BTNL9: variants seen among roughly 807,000 people sequenced by gnomAD.
BTNL9 encodes butyrophilin like 9.
A neutral mutation model predicts 45.8 loss-of-function variants in BTNL9; 45 were observed. The observed-to-expected ratio is 0.98, with a 90% confidence interval of 0.77 to 1.26. The LOEUF is 1.26. Ranked by LOEUF, BTNL9 falls within the 50% of genes most tolerant of loss-of-function variation. The probability of loss-of-function intolerance (pLI) is 0.00; values close to 1 mark genes in which losing one functional copy is unlikely to be tolerated. For synonymous variants in BTNL9, 346 were observed against 330.8 expected, an observed-to-expected ratio of 1.05 and a Z score of -0.50; for missense variants, 784 against 729.7, an observed-to-expected ratio of 1.07 and a Z score of -0.86.
rs1035792661 is a variant in BTNL9, at chr5:181,042,994, G to A, written c.-23-2473G>A. Among the ~76,000 whole-genome samples, 1 of 152,214 alleles carries A rather than the reference G, an allele frequency of 6.6e-6. No individual in the cohort carries two copies. The highest frequency in any genetic ancestry group is 1.9e-4 in the East Asian group (1 of 5,166). On this transcript the variant is annotated intron_variant, in intron 1 of 10. Coordinates refer to ENST00000327705, the MANE Select transcript of BTNL9 (RefSeq NM_152547.5). The surrounding 1 kb of genome is among the most constrained non-coding windows in gnomAD (Gnocchi z 4.5). Reference sequence around the variant, plus strand: ...GCGAGGCTCTGGAACCAGACAGTGGGTGGAACCCCACCCCACCACTCACCC... The same window carrying A: ...GCGAGGCTCTGGAACCAGACAGTGGATGGAACCCCACCCCACCACTCACCC...
Position 181,053,931 on chromosome 5 carries a change from G to A in BTNL9, c.887-308G>A. On this transcript the variant is annotated intron_variant, in intron 6 of 10. Coordinates refer to ENST00000327705, the MANE Select transcript of BTNL9 (RefSeq NM_152547.5). This position sits in a 1 kb window ranked among gnomAD's most constrained non-coding sequence, Gnocchi z 6.5. ...CGAGAAAACAGCCCAGTTACGTGAGGCAGTGTCCGGGGCTTAACGTTTCCG... is the reference window on the plus strand; with the variant it reads ...CGAGAAAACAGCCCAGTTACGTGAGACAGTGTCCGGGGCTTAACGTTTCCG... 6.6e-7 allele frequency: 1 copy of A among 1,515,988 alleles called. No individual in the cohort carries two copies. Among genetic ancestry groups the A allele is most frequent in the Non-Finnish European group, 8.8e-7 (1 of 1,134,324 alleles). The allele number at this position is 1,515,988 out of a possible 1,614,324, so 93.9% of individuals were successfully genotyped here. A position where few individuals can be genotyped will look rare whatever the true frequency, so the allele number is the denominator to read the frequency against.
At chr5:181,054,055 C>T (rs1392597803) in intron 6 of BTNL9, 184 bp from the exon 7 acceptor site, 2 of 1,544,442 alleles carry the variant, frequency 1.3e-6, no homozygotes, top group East Asian at 2.4e-5. Flanking sequence ...GCCAAGGGTG[C>T]GCACTTCCCC....
At position 181,050,454 on chromosome 5, in the gene BTNL9, TG is replaced by T; in HGVS notation, c.736+87del. The T allele has an allele frequency of 6.8e-7, 1 of 1,465,478 alleles. No individual in the cohort carries two copies. The allele number at this position is 1,465,478 out of a possible 1,614,324, so 90.8% of individuals were successfully genotyped here. A position where few individuals can be genotyped will look rare whatever the true frequency, so the allele number is the denominator to read the frequency against. On this transcript the variant is annotated intron_variant, in intron 4 of 10. Transcript: ENST00000327705. This position sits in a 1 kb window ranked among gnomAD's most constrained non-coding sequence, Gnocchi z 4.9. Reference sequence around the variant, plus strand: ...CCAAAGGCAGTCTATAAAGACACAATGGTACTGCGCCTGTCTGCATATAGGG... The same window carrying T: ...CCAAAGGCAGTCTATAAAGACACAATGTACTGCGCCTGTCTGCATATAGGG...
intron 10 of BTNL9, 87 bp downstream of exon 10, chr5:181,058,465 G>C (rs1761992608): frequency 1.3e-6 from 2 of 1,592,432 alleles, no homozygotes; most frequent in African/African-American, 1.3e-5. Flanking sequence ...ATTAGAGGAC[G>C]GGGCTTTATA....
Position 181,053,925 on chromosome 5 carries a change from C to T in BTNL9, c.887-314C>T, listed in dbSNP as rs1212049876. ...AGGCACCGAGAAAACAGCCCAGTTA[C>T]GTGAGGCAGTGTCCGGGGCTTAACG... is the stretch of plus-strand genomic sequence containing the variant. On this transcript the variant is annotated intron_variant, in intron 6 of 10. Coordinates refer to ENST00000327705, the MANE Select transcript of BTNL9 (RefSeq NM_152547.5). The surrounding 1 kb of genome is among the most constrained non-coding windows in gnomAD (Gnocchi z 6.5). 1.3e-6 allele frequency: 2 copies of T among 1,512,870 alleles called. No homozygotes were observed. Among genetic ancestry groups the T allele is most frequent in the Non-Finnish European group, 1.8e-6 (2 of 1,132,428 alleles). The allele number at this position is 1,512,870 out of a possible 1,614,324, so 93.7% of individuals were successfully genotyped here.
intron 1 of BTNL9, among the ~76,000 whole-genome samples, chr5:181,043,775 C>T (rs1454899428): frequency 6.6e-6 from 1 of 152,234 alleles, no homozygotes; most frequent in Admixed American, 6.5e-5. Context: ...AGAAGGTGCA[C>T]AACCAGTGTA....
At chr5:181,054,588 G>A in intron 7 of BTNL9, 1 of 985,416 alleles carries the variant, frequency 1.0e-6, no homozygotes, top group South Asian at 4.7e-5. Context: ...AGGAAGGGTG[G>A]CACCTTTAAT....
In BTNL9 at chr5:181,042,613, C is replaced by T. The variant is rs1760834106; in HGVS notation, c.-24+2181C>T. ...CCAGACCATCTCTCTCTGCTAAAGG[C>T]TTTCAAGATGATACCCTTGAGTGTT... On this transcript the variant is annotated intron_variant, in intron 1 of 10. Transcript: ENST00000327705. The surrounding 1 kb of genome is among the most constrained non-coding windows in gnomAD (Gnocchi z 4.5). Among the ~76,000 whole-genome samples the T allele has an allele frequency of 2.0e-5, 3 of 152,180 alleles. No individual in the cohort carries two copies. Among genetic ancestry groups the T allele is most frequent in the Non-Finnish European group, 4.4e-5 (3 of 68,036 alleles).
chr5:181,044,678 GCA>G (rs1223853048), intron 1 of BTNL9, among the ~76,000 whole-genome samples: 3 of 152,224 alleles, frequency 2.0e-5, no homozygotes, highest in Non-Finnish European at 4.4e-5. Flanking sequence ...ATTGGCAGCA[GCA>G]CACTCTCTGG....
At chr5:181,051,441 T>C (rs1761534599) in intron 4 of BTNL9, among the ~76,000 whole-genome samples, 1 of 152,194 alleles carries the variant, frequency 6.6e-6, no homozygotes, top group South Asian at 2.1e-4. Flanking sequence ...AAATGATAAC[T>C]TGTCTGCAAG....
chr5:181,056,777 A>G, intron 9 of BTNL9: 1 of 592,424 alleles, frequency 1.7e-6, no homozygotes, highest in Non-Finnish European at 3.0e-6. Context: ...GTGAGATTCC[A>G]TGTGCCCACA....
chr5:181,053,029 C>T lies in BTNL9; in HGVS notation c.737-171C>T, dbSNP rs1251431387. On this transcript the variant is annotated intron_variant, in intron 4 of 10. Transcript: ENST00000327705. The surrounding 1 kb of genome is among the most constrained non-coding windows in gnomAD (Gnocchi z 6.5). The stretch of plus-strand genomic sequence containing the variant: ...CCCGCCCCCTCCGCCGCGCGCGCCC[C>T]CGCCCCCTCCGCCGCGCGCGCTCCC... 4.1e-6 allele frequency: 1 copy of T among 245,158 alleles called. No homozygotes were observed. Among genetic ancestry groups the T allele is most frequent in the African/African-American group, 2.7e-5 (1 of 37,508 alleles). The allele number at this position is 245,158 out of a possible 1,614,324, so 15.2% of individuals were successfully genotyped here. A position where few individuals can be genotyped will look rare whatever the true frequency, so the allele number is the denominator to read the frequency against.
Position 181,060,042 on chromosome 5 carries a change from A to G in BTNL9, c.*180A>G. On this transcript the variant is annotated 3_prime_UTR_variant, in exon 11 of 11. Transcript: ENST00000327705. Reference sequence around the variant, plus strand: ...GTGTAGTGCGATTTTCTTCAAGGAAAGGAGACAAGTCCAAAGCTCGTTTGT... The same window carrying G: ...GTGTAGTGCGATTTTCTTCAAGGAAGGGAGACAAGTCCAAAGCTCGTTTGT... The G allele has an allele frequency of 3.2e-6, 2 of 620,630 alleles. No homozygotes were observed. The highest frequency in any genetic ancestry group is 4.5e-5 in the South Asian group (2 of 44,642). 38.4% of individuals were successfully genotyped at this position (620,630 alleles called of 1,614,324 possible). A position where few individuals can be genotyped will look rare whatever the true frequency, so the allele number is the denominator to read the frequency against.
In BTNL9 at chr5:181,059,481, G is replaced by C; in HGVS notation, c.1227G>C (p.Gly409=). The change falls in exon 11 of 11, where the codon GGG becomes GGC. Residue 409 remains glycine (G), a synonymous_variant. Coordinates refer to ENST00000327705, the MANE Select transcript of BTNL9 (RefSeq NM_152547.5). The part of the protein sequence containing the change: ...GACLAAVPRA[G]PARLSPAAGY... ...GCCTGGCCGCGGTGCCGCGCGCGGG[G>C]CCTGCGCGCCTGAGCCCTGCGGCCG... 6.8e-7 allele frequency: 1 copy of C among 1,477,506 alleles called. No homozygotes were observed. Among genetic ancestry groups the C allele is most frequent in the South Asian group, 1.3e-5 (1 of 75,236 alleles). The allele number at this position is 1,477,506 out of a possible 1,614,324, so 91.5% of individuals were successfully genotyped here. A position where few individuals can be genotyped will look rare whatever the true frequency, so the allele number is the denominator to read the frequency against.
chr5:181,046,698 CGAGAGAGAGAGGGAGA>C (rs1224479344), intron 2 of BTNL9, among the ~76,000 whole-genome samples: 1 of 143,876 alleles, frequency 7.0e-6, no homozygotes, highest in African/African-American at 2.8e-5. Context: ...AGAGAGAGAG[CGAGAGAGAGAGGGAGA>C]GAGAGAGAGA....
rs905550977 is a variant in BTNL9 at position 181,053,847 on chromosome 5, A to C, written c.886+346A>C. ...CCTCGTCCAGGTTTTCATAGCGCAC[A>C]GGGAGTCGGGCGGATGCGCAACATC... On this transcript the variant is annotated intron_variant, in intron 6 of 10. Coordinates refer to ENST00000327705, the MANE Select transcript of BTNL9 (RefSeq NM_152547.5). The surrounding 1 kb of genome is among the most constrained non-coding windows in gnomAD (Gnocchi z 6.5). 4.6e-6 allele frequency: 7 copies of C among 1,507,442 alleles called. 1 individual carries two copies. The highest frequency in any genetic ancestry group is 6.2e-6 in the Non-Finnish European group (7 of 1,128,856). 93.4% of individuals were successfully genotyped at this position (1,507,442 alleles called of 1,614,324 possible). A position where few individuals can be genotyped will look rare whatever the true frequency, so the allele number is the denominator to read the frequency against.
rs554244884 is a variant in BTNL9, at chr5:181,051,012, G to A, written c.736+643G>A. On this transcript the variant is annotated intron_variant, in intron 4 of 10. Coordinates refer to ENST00000327705, the MANE Select transcript of BTNL9 (RefSeq NM_152547.5). ...TGAGGCAGGAGAATCGCTTGAACCGGGGGGCAGAGGTTGCAGTGAGCCGAG... is the reference window on the plus strand; with the variant it reads ...TGAGGCAGGAGAATCGCTTGAACCGAGGGGCAGAGGTTGCAGTGAGCCGAG... Among the ~76,000 whole-genome samples, 153 of 131,304 alleles carry A rather than the reference G, an allele frequency of 1.2e-3. 1 individual carries two copies. The highest frequency in any genetic ancestry group is 4.1e-3 in the African/African-American group (142 of 34,890). 86.1% of individuals were successfully genotyped at this position (131,304 alleles called of 152,430 possible).
chr5:181,059,709 C>G lies in BTNL9; in HGVS notation c.1455C>G (p.Tyr485Ter). The change falls in exon 11 of 11, where the codon TAC becomes TAG. Residue 485 changes from tyrosine to a stop codon, truncating the protein, a stop_gained. Transcript: ENST00000327705. LOFTEE classifies it low-confidence loss of function (END_TRUNC). ...HDTFSGALCA[Y>*]FRPRAHDGGE... ...CCTTCTCGGGCGCGCTCTGTGCGTA[C>G]TTCAGGCCCAGGGCCCACGACGGCG... 3 of 1,613,644 alleles carry G rather than the reference C, an allele frequency of 1.9e-6. No individual in the cohort carries two copies. Among genetic ancestry groups the G allele is most frequent in the Non-Finnish European group, 2.5e-6 (3 of 1,179,968 alleles).
intron 3 of BTNL9, 31 bp downstream of exon 3, chr5:181,048,302 G>A: frequency 1.3e-6 from 2 of 1,549,308 alleles, no homozygotes; most frequent in Non-Finnish European, 1.8e-6. Context: ...CCCTGCAGAG[G>A]AGAGGGAGAT....
Sources: allele counts gnomAD v4.1 joint callset (sites outside exome capture counted in the v4.1 genomes callset), GRCh38; gene constraint gnomAD v4.1.1; non-coding constraint Gnocchi (gnomAD v3.1); transcripts MANE v1.5; gene names NCBI Gene and HGNC (gene_info 2026-07-23, HGNC 2026-07-21).